MTMR8: variants seen among roughly 807,000 people sequenced by gnomAD.
MTMR8 encodes the protein phosphatidylinositol-3,5-bisphosphate 3-phosphatase MTMR8.
MTMR8 carries 65 observed loss-of-function variants against 39.3 expected under a neutral mutation model. That is an observed-to-expected ratio of 1.65 (90% CI 1.35 to 2.03). The LOEUF (loss-of-function observed/expected upper bound fraction) is 2.03. MTMR8 is among the 30% of genes most tolerant of loss of function. The pLI, the probability that MTMR8 is intolerant of heterozygous loss-of-function variation, is 0.00. For synonymous variants in MTMR8, 245 were observed against 185.2 expected, an observed-to-expected ratio of 1.32 and a Z score of -2.62; for missense variants, 777 against 538.9, an observed-to-expected ratio of 1.44 and a Z score of -4.37.
At chrX:64,391,452 G>A (rs1163456978) in intron 1 of MTMR8, among the ~76,000 whole-genome samples, 1 of 111,972 alleles carries the variant, frequency 8.9e-6, no homozygotes, top group African/African-American at 3.2e-5. Context: ...CTCCCTGCCT[G>A]TCAGGCTGCT....
At chrX:64,359,934 A>C (rs1923734830) in intron 1 of MTMR8, among the ~76,000 whole-genome samples, 1 of 108,890 alleles carries the variant, frequency 9.2e-6, no homozygotes. Context: ...AAAAAAAAAA[A>C]AACAGAAAAA....
intron 1 of MTMR8, among the ~76,000 whole-genome samples, chrX:64,363,101 T>C (rs954866903): frequency 1.8e-5 from 2 of 111,776 alleles, no homozygotes; most frequent in African/African-American, 6.5e-5. Context: ...TCAAGGCATA[T>C]AGGAATCCTC....
intron 10 of MTMR8, among the ~76,000 whole-genome samples, chrX:64,333,161 A>G (rs1922986006): frequency 1.8e-5 from 2 of 112,072 alleles, no homozygotes; most frequent in South Asian, 7.4e-4. Flanking sequence ...ATAAAATCAT[A>G]CAAATTCACA....
At chrX:64,286,788 A>G (rs1027141442) in intron 12 of MTMR8, among the ~76,000 whole-genome samples, 1 of 111,599 alleles carries the variant, frequency 9.0e-6, no homozygotes, top group Non-Finnish European at 1.9e-5. Context: ...ACTCTCAATA[A>G]ATTAGGTATT....
intron 1 of MTMR8, 35 bp downstream of exon 1, chrX:64,395,305 C>T (rs1190145242): frequency 2.5e-6 from 3 of 1,204,755 alleles, no homozygotes; most frequent in Admixed American, 4.3e-5. Context: ...AGAGGAAGCT[C>T]GCGGCTGTCA....
chrX:64,355,528 C>T (rs1012035724), intron 3 of MTMR8, among the ~76,000 whole-genome samples: 64 of 111,488 alleles, frequency 5.7e-4, no homozygotes, highest in African/African-American at 2.1e-3. Flanking sequence ...AATGCTAGGC[C>T]ATCCAGCAGG....
intron 12 of MTMR8, among the ~76,000 whole-genome samples, chrX:64,318,524 C>T (rs183088155): frequency 4.5e-5 from 5 of 110,813 alleles, no homozygotes; most frequent in Admixed American, 1.9e-4. Flanking sequence ...AACTCACAAT[C>T]GTGTTGTTCC....
At chrX:64,336,257 G>A (rs927165915) in intron 9 of MTMR8, 129 bp from the exon 10 acceptor site, 1 of 437,495 alleles carries the variant, frequency 2.3e-6, no homozygotes, top group Non-Finnish European at 3.8e-6. Flanking sequence ...TTTCCTAAAT[G>A]ATAAATAAGT....
At chrX:64,281,352 CAT>C (rs1206716982) in intron 12 of MTMR8, among the ~76,000 whole-genome samples, 1 of 111,436 alleles carries the variant, frequency 9.0e-6, no homozygotes, top group Admixed American at 9.6e-5. Flanking sequence ...CCAAAACAGA[CAT>C]ATAGACAAAT....
At chrX:64,394,787 A>G (rs1476069941) in intron 1 of MTMR8, among the ~76,000 whole-genome samples, 2 of 112,215 alleles carry the variant, frequency 1.8e-5, no homozygotes, top group Admixed American at 9.4e-5. Context: ...TTCCTTTTCC[A>G]TTGCCCAGCT....
At chrX:64,346,742 C>A (rs977996634) in intron 6 of MTMR8, among the ~76,000 whole-genome samples, 1 of 110,190 alleles carries the variant, frequency 9.1e-6, no homozygotes, top group African/African-American at 3.3e-5. Flanking sequence ...TTAAAAGGGG[C>A]TTTTTGGTGT....
intron 1 of MTMR8, among the ~76,000 whole-genome samples, chrX:64,369,189 T>G (rs1924060032): frequency 8.9e-6 from 1 of 111,968 alleles, no homozygotes; most frequent in Non-Finnish European, 1.9e-5. Flanking sequence ...GTTCAACCAC[T>G]GTGGAAGACA....
intron 10 of MTMR8, among the ~76,000 whole-genome samples, chrX:64,332,912 C>T (rs934892668): frequency 1.8e-5 from 2 of 111,548 alleles, no homozygotes; most frequent in African/African-American, 6.5e-5. Flanking sequence ...TGCTCATCTT[C>T]TTAACTCCTG....
intron 1 of MTMR8, among the ~76,000 whole-genome samples, chrX:64,382,394 G>C (rs1924450429): frequency 2.7e-5 from 3 of 111,123 alleles, no homozygotes; most frequent in East Asian, 2.8e-4. Flanking sequence ...TCATGATTTG[G>C]CTCTCTATTT....
chrX:64,364,032 G>C (rs747382370), intron 1 of MTMR8, among the ~76,000 whole-genome samples: 82 of 112,542 alleles, frequency 7.3e-4, no homozygotes, highest in Middle Eastern at 4.6e-3. Context: ...AGCCTGGCAG[G>C]GGGAGGGGTG....
chrX:64,313,021 C>T (rs1029523268), intron 12 of MTMR8, among the ~76,000 whole-genome samples: 14 of 111,727 alleles, frequency 1.3e-4, no homozygotes, highest in African/African-American at 4.6e-4. Flanking sequence ...TTGTTAAGGG[C>T]CCTAGGATTT....
rs1460031370 is a variant in MTMR8, at chrX:64,309,479, C to G, written c.1481+19293G>C. The stretch of plus-strand genomic sequence containing the variant: ...GTAAATGCAAAAAAAAACAGTTGTT[C>G]TCTGGTTTTCTAGATTCGTTGGGAT... On this transcript the variant is annotated intron_variant, in intron 12 of 13. Transcript: ENST00000374852. Among the ~76,000 whole-genome samples the G allele has an allele frequency of 3.6e-5, 4 of 110,660 alleles. No individual in the cohort carries two copies. The East Asian group carries it at 1.1e-3, about 31-fold the overall frequency.
At chrX:64,343,387 A>G (rs1410767603) in intron 8 of MTMR8, among the ~76,000 whole-genome samples, 1 of 111,734 alleles carries the variant, frequency 8.9e-6, no homozygotes, top group African/African-American at 3.2e-5. Context: ...GTGGCCACCT[A>G]AAAGTTACAT....
chrX:64,341,479 CA>C (rs758580930), intron 8 of MTMR8, among the ~76,000 whole-genome samples: 969 of 25,535 alleles, frequency 0.038, 6 homozygotes, highest in African/African-American at 0.11. Flanking sequence ...AACTCTGTCT[CA>C]AAAAAAAAAA....
Sources: allele counts gnomAD v4.1 joint callset (sites outside exome capture counted in the v4.1 genomes callset), GRCh38; gene constraint gnomAD v4.1.1; transcripts MANE v1.5; gene names NCBI Gene and HGNC (gene_info 2026-07-23, HGNC 2026-07-21).